SLC39A4: variants seen among roughly 807,000 people sequenced by gnomAD.
SLC39A4 encodes solute carrier family 39 member 4, also known as zinc transporter ZIP4.
SLC39A4 carries 49 observed loss-of-function variants against 56.6 expected under a neutral mutation model. The ratio of observed to expected loss-of-function variants is 0.87; its 90% CI spans 0.69 to 1.10. The LOEUF is 1.10. Ranked by LOEUF, SLC39A4 falls within the 50% of genes least tolerant of loss-of-function variation. SLC39A4 has a pLI of 0.00. For synonymous variants in SLC39A4, 540 were observed against 420.4 expected, an observed-to-expected ratio of 1.28 and a Z score of -3.48; for missense variants, 993 against 864.2, an observed-to-expected ratio of 1.15 and a Z score of -1.87.
chr8:144,413,287 C>T lies in SLC39A4; in HGVS notation c.1577G>A (p.Gly526Glu). 1 of 1,600,808 alleles carries T rather than the reference C, an allele frequency of 6.2e-7. No homozygotes were observed. Among genetic ancestry groups the T allele is most frequent in the Non-Finnish European group, 8.5e-7 (1 of 1,177,584 alleles). Residue 526 changes from glycine (G) to glutamate (E), a missense_variant, in exon 10 of 12, where the codon GGG becomes GAG. Transcript: ENST00000301305. Reference sequence around the variant, plus strand: ...GAACACGGCCAGCGAGGTGGCCAGCCCGGTCTTCCAGGAGGACGCGAAGGC... The same window carrying T: ...GAACACGGCCAGCGAGGTGGCCAGCTCGGTCTTCCAGGAGGACGCGAAGGC... The part of the protein sequence containing the change: ...GAAFASSWKT[G>E]LATSLAVFCH...
chr8:144,413,572 G>A lies in SLC39A4; in HGVS notation c.1420-5C>T. 6.4e-7 allele frequency: 1 copy of A among 1,551,484 alleles called. No homozygotes were observed. On this transcript the variant is annotated splice_region_variant and splice_polypyrimidine_tract_variant and intron_variant, in intron 8 of 11. Transcript: ENST00000301305. The stretch of plus-strand genomic sequence containing the variant: ...CTCCGGGCTCTCCTCCGCCACCTGG[G>A]AGGAGCCTTGAGTAAGTCCCGCCCG...
intron 9 of SLC39A4, 44 bp downstream of exon 9, chr8:144,413,469 A>G (rs1554872363): frequency 3.2e-6 from 5 of 1,566,790 alleles, no homozygotes; most frequent in Non-Finnish European, 4.3e-6. Context: ...CTCCACACAA[A>G]CCCCAGATCC....
rs782043939 is a variant in SLC39A4 at position 144,413,361 on chromosome 8, A to G, written c.1503T>C (p.Thr501=). Residue 501 remains threonine, a synonymous_variant, in exon 10 of 12, where the codon ACT becomes ACC. Coordinates refer to ENST00000301305, the MANE Select transcript of SLC39A4 (RefSeq NM_130849.4). The part of the protein sequence containing the change: ...PELRLLPYMI[T]LGDAVHNFAD... ...CGAAGTTGTGCACGGCGTCGCCCAG[A>G]GTGATCATATAGGGCAGTAGCCTCA... The G allele has an allele frequency of 6.2e-7, 1 of 1,608,172 alleles. No individual in the cohort carries two copies. The highest frequency in any genetic ancestry group is 8.5e-7 in the Non-Finnish European group (1 of 1,179,470).
intron 5 of SLC39A4, 109 bp downstream of exon 5, chr8:144,414,616 T>G: frequency 6.5e-7 from 1 of 1,530,262 alleles, no homozygotes; most frequent in East Asian, 2.4e-5. Flanking sequence ...TTGTTTCTAC[T>G]TCCAGCCCCT....
intron 6 of SLC39A4, 21 bp downstream of exon 6, chr8:144,414,241 C>T (rs368913447): frequency 6.3e-5 from 101 of 1,604,348 alleles, no homozygotes; most frequent in South Asian, 9.0e-5. Flanking sequence ...GGGCCAGGGT[C>T]GCGGGTTTGT....
chr8:144,413,049 C>G (rs1352035900), intron 10 of SLC39A4, 103 bp from the exon 11 acceptor site: 93 of 1,499,020 alleles, frequency 6.2e-5, no homozygotes, highest in Non-Finnish European at 8.0e-5. Flanking sequence ...CCACCTGTTC[C>G]CGGTCTCCCC....
Position 144,416,073 on chromosome 8 carries a change from C to T in SLC39A4, c.211G>A (p.Ala71Thr), listed in dbSNP as rs541318382. Residue 71 changes from alanine (A) to threonine (T), a missense_variant, in exon 2 of 12, where the codon GCC (alanine) becomes ACC (threonine). By Grantham distance (58) the Ala-to-Thr change is moderately conservative (BLOSUM62 0). Transcript: ENST00000301305. ...CCCTCAGGCTCGCCCAGGCCCAGGGCGTCCTCCACAGACAGGCACTGTGGG... is the reference window on the plus strand; with the variant it reads ...CCCTCAGGCTCGCCCAGGCCCAGGGTGTCCTCCACAGACAGGCACTGTGGG... ...PCGKCLSVED[A>T]LGLGEPEGSG... 3.7e-5 allele frequency: 59 copies of T among 1,595,546 alleles called. No individual in the cohort carries two copies. The highest frequency in any genetic ancestry group is 2.4e-4 in the Admixed American group (14 of 58,318).
chr8:144,414,380 C>T lies in SLC39A4; in HGVS notation c.1031G>A (p.Gly344Asp), dbSNP rs782801238. ...GCCAGTGCAGGTCAGCAGCAGGAGG[C>T]CAAAGACCGCGCAGAGGCAGATGAG... Reference protein sequence around the residue: ...TLLICLCAVFGLLLLTCTGCR... With the variant: ...TLLICLCAVFDLLLLTCTGCR... The change falls in exon 6 of 12, where the codon GGC becomes GAC. Residue 344 changes from glycine to aspartate, a missense_variant. Gly to Asp is a moderately conservative substitution (Grantham distance 94). Coordinates refer to ENST00000301305, the MANE Select transcript of SLC39A4 (RefSeq NM_130849.4). The T allele has an allele frequency of 5.7e-6, 9 of 1,580,342 alleles. No individual in the cohort carries two copies. The highest frequency in any genetic ancestry group is 6.9e-6 in the Non-Finnish European group (8 of 1,164,350).
Position 144,412,464 on chromosome 8 carries a change from G to C in SLC39A4, c.*74C>G. ...GAGTTGGGACTGGGGCCTCTATAGG[G>C]GCTTCTGGTTTCTGGGCTGTAGGTT... On this transcript the variant is annotated 3_prime_UTR_variant, in exon 12 of 12. Transcript: ENST00000301305. 7 of 1,612,460 alleles carry C rather than the reference G, an allele frequency of 4.3e-6. No individual in the cohort carries two copies. The highest frequency in any genetic ancestry group is 5.9e-6 in the Non-Finnish European group (7 of 1,179,252).
In SLC39A4 at chr8:144,414,055, G is replaced by T; in HGVS notation, c.1190C>A (p.Pro397Gln). The change falls in exon 7 of 12, where the codon CCA (proline) becomes CAA (glutamine). Residue 397 changes from proline (P) to glutamine (Q), a missense_variant. By Grantham distance (76) the Pro-to-Gln change is moderately conservative (BLOSUM62 -1). Transcript: ENST00000301305. ...AGCCAGGAGGCGCCAGGTGGGCTGT[G>T]GGCTGAGGCCCTCTTCGCTGTGTGT... ...LHTHSEEGLS[P>Q]QPTWRLLAML... 6.4e-7 allele frequency: 1 copy of T among 1,572,502 alleles called. No individual in the cohort carries two copies. The highest frequency in any genetic ancestry group is 8.6e-7 in the Non-Finnish European group (1 of 1,158,928).
intron 10 of SLC39A4, 49 bp from the exon 11 acceptor site, chr8:144,412,995 C>T: frequency 1.3e-6 from 2 of 1,540,716 alleles, no homozygotes; most frequent in Non-Finnish European, 1.7e-6. Flanking sequence ...CTACATGCCC[C>T]GCCCACCTCC....
intron 5 of SLC39A4, 144 bp downstream of exon 5, chr8:144,414,581 G>C: frequency 1.3e-6 from 2 of 1,490,608 alleles, no homozygotes; most frequent in Non-Finnish European, 1.8e-6. Context: ...CACTCTCCTG[G>C]CGACGCCACC....
rs782494646 is a variant in SLC39A4, at chr8:144,413,915, C to T, written c.1288-34G>A. On this transcript the variant is annotated intron_variant, in intron 7 of 11. Coordinates refer to ENST00000301305, the MANE Select transcript of SLC39A4 (RefSeq NM_130849.4). Reference sequence around the variant, plus strand: ...GTAGGTGCTCAGTGTCCACCAGGCCCCCAGCACACCCACCCGCCGGGTACC... The same window carrying T: ...GTAGGTGCTCAGTGTCCACCAGGCCTCCAGCACACCCACCCGCCGGGTACC... 14 of 1,610,020 alleles carry T rather than the reference C, an allele frequency of 8.7e-6. No homozygotes were observed. In the Admixed American group the frequency reaches 2.0e-4, roughly 23 times the overall value.
In SLC39A4 at chr8:144,415,390, C is replaced by T. The variant is rs138825974; in HGVS notation, c.504G>A (p.Glu168=). 517 of 1,607,190 alleles carry T rather than the reference C, an allele frequency of 3.2e-4. 2 individuals are homozygous for T. The African/African-American group carries it at 6.1e-3, about 19-fold the overall frequency. Residue 168 remains glutamate (E), a synonymous_variant, in exon 3 of 12, where the codon GAG becomes GAA. Coordinates refer to ENST00000301305, the MANE Select transcript of SLC39A4 (RefSeq NM_130849.4). ...CCGGAGCCCCCGCCCCCACCGCCTC[C>T]TCCAGCAGCTGAGGGATATCTACGC... ...MACVDIPQLL[E]EAVGAGAPGS...
chr8:144,412,994 C>A (rs1347701344), intron 10 of SLC39A4, 48 bp from the exon 11 acceptor site: 36 of 1,540,730 alleles, frequency 2.3e-5, no homozygotes, highest in Middle Eastern at 2.3e-4. Context: ...GCTACATGCC[C>A]CGCCCACCTC....
chr8:144,413,163 C>T, intron 10 of SLC39A4, 74 bp downstream of exon 10: 1 of 1,469,908 alleles, frequency 6.8e-7, no homozygotes, highest in Non-Finnish European at 9.1e-7. Context: ...CAGGCCCCGC[C>T]CACCTGTTCC....
intron 10 of SLC39A4, 40 bp downstream of exon 10, chr8:144,413,197 C>T: frequency 1.3e-6 from 2 of 1,489,786 alleles, no homozygotes; most frequent in Non-Finnish European, 9.0e-7. Context: ...CAGCCCCGTG[C>T]GGCCCCGCCC....
rs782654111 is a variant in SLC39A4 at position 144,414,252 on chromosome 8, G to A, written c.1149+10C>T. ...CGGAGGGCCAGGGTCGCGGGTTTGT[G>A]GGGGCAGACCTTGGGCGTCAGATGC... On this transcript the variant is annotated intron_variant, in intron 6 of 11. Transcript: ENST00000301305. 4.7e-5 allele frequency: 75 copies of A among 1,607,370 alleles called. 4 individuals carry two copies. In the South Asian group the frequency reaches 7.6e-4, roughly 16 times the overall value.
intron 1 of SLC39A4, 157 bp downstream of exon 1, chr8:144,416,441 G>A (rs1162229925): frequency 4.8e-6 from 7 of 1,452,788 alleles, no homozygotes; most frequent in East Asian, 2.5e-5. Flanking sequence ...GAGCAGGAGG[G>A]TGGGCTCTGG....
Sources: gnomAD v4.1 joint callset for allele counts on GRCh38, gnomAD v4.1.1 for gene constraint, MANE v1.5 for transcripts, NCBI Gene and HGNC (gene_info 2026-07-23, HGNC 2026-07-21) for gene names.